The following LGALS12 variants were observed in gnomAD, a reference collection of about 807,000 sequenced individuals.
The protein encoded by LGALS12 is galectin 12.
In LGALS12, 36 loss-of-function variants were observed where a neutral mutation model predicts 36.8. That is an observed-to-expected ratio of 0.98 (90% CI 0.75 to 1.29). The LOEUF (loss-of-function observed/expected upper bound fraction) is 1.29, where lower values mean the gene tolerates loss of function less well. Among genes scored for constraint, LGALS12 ranks in the 50% most tolerant of loss-of-function variants. The pLI is 0.00. For missense variants in LGALS12, 366 were observed against 394.3 expected (o/e 0.93, Z 0.61); for synonymous variants, 145 against 155.9 (o/e 0.93, Z 0.52).
At position 63,509,877 on chromosome 11, in the gene LGALS12, G is replaced by A. The variant is rs138075514; in HGVS notation, c.472G>A (p.Val158Ile). ...ATTTGGTGACATCCTGGTAGAGGCT[G>A]TTGGATTCCTGAACATCAATGTAAG... ...GIFGDILVEA[V>I]GFLNINPFVE... The change falls in exon 4 of 9, where the codon GTT becomes ATT. Residue 158 changes from valine to isoleucine, a missense_variant. Coordinates refer to ENST00000394618, the MANE Select transcript of LGALS12 (RefSeq NM_033101.4). The A allele has an allele frequency of 9.1e-5, 147 of 1,614,146 alleles. No individual in the cohort carries two copies. In the African/African-American group the frequency reaches 1.7e-3, roughly 19 times the overall value.
At position 63,510,043 on chromosome 11, in the gene LGALS12, C is replaced by T. The variant is rs1244610683; in HGVS notation, c.492+146C>T. The T allele has an allele frequency of 2.0e-5, 21 of 1,042,274 alleles. No individual in the cohort carries two copies. The South Asian group carries it at 2.7e-4, about 13-fold the overall frequency. The allele number at this position is 1,042,274 out of a possible 1,614,324, so 64.6% of individuals were successfully genotyped here. On this transcript the variant is annotated intron_variant, in intron 4 of 8. Transcript: ENST00000394618. ...TAATAGCCAAGGGGGAGGGAGTCCACTGAGGTTTCGGGTGTGAGTGGGCTG... is the reference window on the plus strand; with the variant it reads ...TAATAGCCAAGGGGGAGGGAGTCCATTGAGGTTTCGGGTGTGAGTGGGCTG...
In LGALS12 at chr11:63,515,659, G is replaced by A. The variant is rs1835092057; in HGVS notation, c.744G>A (p.Gly248=). 6.2e-7 allele frequency: 1 copy of A among 1,614,094 alleles called. No homozygotes were observed. Among genetic ancestry groups the A allele is most frequent in the South Asian group, 1.1e-5 (1 of 91,092 alleles). Residue 248 remains glycine (G), a synonymous_variant, in exon 8 of 9, where the codon GGG becomes GGA. Transcript: ENST00000394618. The part of the protein sequence containing the change: ...DRTLAWISRW[G]QKKLISAPFL... ...CTCTGGCCTGGATCTCCCGCTGGGG[G>A]CAGAAGAAACTGATCTCAGCCCCCT...
At chr11:63,515,510 C>G in intron 7 of LGALS12, 53 bp from the exon 8 acceptor site, 1 of 1,596,318 alleles carries the variant, frequency 6.3e-7, no homozygotes, top group Admixed American at 1.7e-5. Context: ...GGCTGAGCAG[C>G]GGCCTATGGG....
At position 63,506,498 on chromosome 11, in the gene LGALS12, T is replaced by G; in HGVS notation, c.40T>G (p.Phe14Val). ...GEKLDPIPDS[F>V]ILQPPVFHPV... ...AAAACTGGACCCAATTCCTGACAGCTTCATTCTGCAACCACCAGTCTTCCA... is the reference window on the plus strand; with the variant it reads ...AAAACTGGACCCAATTCCTGACAGCGTCATTCTGCAACCACCAGTCTTCCA... The change falls in exon 1 of 9, where the codon TTC becomes GTC. Residue 14 changes from phenylalanine to valine, a missense_variant. By Grantham distance (50) the Phe-to-Val change is conservative. Transcript: ENST00000394618. 6.2e-7 allele frequency: 1 copy of G among 1,614,224 alleles called. No individual in the cohort carries two copies.
chr11:63,511,790 G>A lies in LGALS12; in HGVS notation c.597G>A (p.Ser199=), dbSNP rs562373514. The A allele has an allele frequency of 3.3e-5, 53 of 1,613,708 alleles. No homozygotes were observed. The highest frequency in any genetic ancestry group is 9.9e-5 in the South Asian group (9 of 91,072). Reference sequence around the variant, plus strand: ...CACATGCTCTTCCCCAGGGTCTCTCGCCTGGGCAGGTCATCATAGTACGGG... The same window carrying A: ...CACATGCTCTTCCCCAGGGTCTCTCACCTGGGCAGGTCATCATAGTACGGG... ...PCSHALPQGL[S]PGQVIIVRGL... The change falls in exon 7 of 9, where the codon TCG becomes TCA. Residue 199 remains serine (S), a synonymous_variant. Coordinates refer to ENST00000394618, the MANE Select transcript of LGALS12 (RefSeq NM_033101.4).
chr11:63,511,681 C>T (rs926735123), intron 6 of LGALS12, 71 bp from the exon 7 acceptor site: 22 of 1,090,612 alleles, frequency 2.0e-5, no homozygotes, highest in South Asian at 3.8e-5. Context: ...GCTCCCCTGG[C>T]CCCCGGGGAT....
intron 7 of LGALS12, among the ~76,000 whole-genome samples, chr11:63,514,222 C>T (rs985972451): frequency 2.0e-5 from 3 of 152,186 alleles, no homozygotes; most frequent in South Asian, 4.1e-4. Context: ...ATCAGGATGC[C>T]GCGCCTTCTC....
chr11:63,514,874 T>A (rs1477794703), intron 7 of LGALS12, among the ~76,000 whole-genome samples: 4 of 130,106 alleles, frequency 3.1e-5, no homozygotes, highest in African/African-American at 1.0e-4. Flanking sequence ...CCTTTGTTCC[T>A]TTTTTTTTTT....
chr11:63,513,135 C>T (rs1160690475), intron 7 of LGALS12, among the ~76,000 whole-genome samples: 3 of 152,138 alleles, frequency 2.0e-5, no homozygotes, highest in African/African-American at 4.8e-5. Context: ...ACAGTGCGGT[C>T]GTGGGCCAGT....
intron 2 of LGALS12, 53 bp downstream of exon 2, chr11:63,508,694 C>T (rs2016819560): frequency 1.7e-5 from 28 of 1,613,210 alleles, no homozygotes; most frequent in East Asian, 4.5e-5. Context: ...CTAGAGGCAT[C>T]GAGCTGGAGG....
chr11:63,511,137 C>T, intron 6 of LGALS12, 32 bp downstream of exon 6: 2 of 1,607,236 alleles, frequency 1.2e-6, no homozygotes, highest in Non-Finnish European at 8.5e-7. Context: ...TCTGTCAGGG[C>T]TGGGGGCGCA....
At chr11:63,511,242 G>GGCCAGGCAGCTTATGCT (rs1555033931) in intron 6 of LGALS12, 137 bp downstream of exon 6, 2 of 784,452 alleles carry the variant, frequency 2.5e-6, no homozygotes, top group African/African-American at 1.7e-5. Flanking sequence ...GCTGTGGGTG[G>GGCCAGGCAGCTTATGCT]GCCAGGCAGC....
In LGALS12 at chr11:63,509,776, AG is replaced by A. The variant is rs1485644187; in HGVS notation, c.373del. 6.2e-7 allele frequency: 1 copy of A among 1,614,102 alleles called. No individual in the cohort carries two copies. Among genetic ancestry groups the A allele is most frequent in the Non-Finnish European group, 8.5e-7 (1 of 1,179,950 alleles). ...TAAGCCAGCCTCTGTCTGTCTCTCC[AG>A]GTGAGTGTGAATGGACAGCACTTTC... On this transcript the variant is annotated splice_acceptor_variant, in intron 3 of 8. Transcript: ENST00000394618. LOFTEE classifies it high-confidence loss of function.
chr11:63,508,505 T>TA, intron 1 of LGALS12, 48 bp from the exon 2 acceptor site: 1 of 1,613,018 alleles, frequency 6.2e-7, no homozygotes, highest in South Asian at 1.1e-5. Flanking sequence ...TAGAGGTCCC[T>TA]AAGCCCTTTC....
Position 63,511,053 on chromosome 11 carries a change from G to T in LGALS12, c.532-26G>T, listed in dbSNP as rs368509093. On this transcript the variant is annotated intron_variant, in intron 5 of 8. Transcript: ENST00000394618. ...TCCTGAGCAAATACCACATGGCCTTGTGTCCTCTCTTTCTTTCCCTGACAG... is the reference window on the plus strand; with the variant it reads ...TCCTGAGCAAATACCACATGGCCTTTTGTCCTCTCTTTCTTTCCCTGACAG... The T allele has an allele frequency of 1.1e-5, 17 of 1,612,402 alleles. No individual in the cohort carries two copies. The African/African-American group carries it at 1.9e-4, about 18-fold the overall frequency.
intron 7 of LGALS12, among the ~76,000 whole-genome samples, chr11:63,514,982 A>AT (rs955897120): frequency 3.9e-5 from 6 of 152,020 alleles, no homozygotes; most frequent in South Asian, 4.1e-4. Context: ...CTAAATAAGC[A>AT]TTTTTTTATG....
Position 63,508,839 on chromosome 11 carries a change from T to C in LGALS12, c.220T>C (p.Phe74Leu). 6.2e-7 allele frequency: 1 copy of C among 1,614,206 alleles called. No homozygotes were observed. The highest frequency in any genetic ancestry group is 8.5e-7 in the Non-Finnish European group (1 of 1,180,032). Residue 74 changes from phenylalanine to leucine, a missense_variant, in exon 3 of 9, where the codon TTC (phenylalanine) becomes CTC (leucine). Transcript: ENST00000394618. ...TCCCCGGCCAGATATCGCCTTCCAC[T>C]TCAACCCTCGCTTCCATACCACCAA... is the stretch of plus-strand genomic sequence containing the variant. ...LCPRPDIAFH[F>L]NPRFHTTKPH...
chr11:63,516,430 G>A lies in LGALS12; in HGVS notation c.*37G>A, dbSNP rs2017087311. On this transcript the variant is annotated 3_prime_UTR_variant, in exon 9 of 9. Coordinates refer to ENST00000394618, the MANE Select transcript of LGALS12 (RefSeq NM_033101.4). The stretch of plus-strand genomic sequence containing the variant: ...GGGAAATACCGCCAGAAAACAAGAA[G>A]GTCAGCCCACTCCCAGGGCCCCACT... 1.2e-6 allele frequency: 2 copies of A among 1,612,232 alleles called. No individual in the cohort carries two copies. Among genetic ancestry groups the A allele is most frequent in the East Asian group, 2.2e-5 (1 of 44,864 alleles).
At chr11:63,514,144 C>T (rs1352768339) in intron 7 of LGALS12, among the ~76,000 whole-genome samples, 1 of 152,220 alleles carries the variant, frequency 6.6e-6, no homozygotes, top group Admixed American at 6.5e-5. Flanking sequence ...CTGTAAGGAT[C>T]TACCAATAGC....
Sources: allele counts gnomAD v4.1 joint callset (sites outside exome capture counted in the v4.1 genomes callset), GRCh38; gene constraint gnomAD v4.1.1; transcripts MANE v1.5; gene names NCBI Gene and HGNC (gene_info 2026-07-23, HGNC 2026-07-21).